Variants in CDKN1C observed in about 807,000 individuals in gnomAD.
CDKN1C encodes cyclin-dependent kinase inhibitor 1C.
In CDKN1C, 7 loss-of-function variants were observed where a neutral mutation model predicts 16.5. That is an observed-to-expected ratio of 0.42 (90% CI 0.24 to 0.80). The LOEUF is 0.80. Ranked by LOEUF, CDKN1C falls within the 30% of genes least tolerant of loss-of-function variation. The pLI, the probability that CDKN1C is intolerant of heterozygous loss-of-function variation, is 0.26. For missense variants in CDKN1C, 429 were observed against 437.3 expected, an observed-to-expected ratio of 0.98 and a Z score of 0.17; for synonymous variants, 288 against 214.4, an observed-to-expected ratio of 1.34 and a Z score of -3.00.
In CDKN1C at chr11:2,884,758, C is replaced by G. The variant is rs751650132; in HGVS notation, c.699G>C (p.Ser233=). The G allele has an allele frequency of 8.0e-5, 121 of 1,510,490 alleles. 1 individual carries two copies. Among genetic ancestry groups the G allele is most frequent in the Non-Finnish European group, 1.0e-4 (118 of 1,132,880 alleles). The allele number at this position is 1,510,490 out of a possible 1,614,324, so 93.6% of individuals were successfully genotyped here. The change falls in exon 2 of 4, where the codon TCG becomes TCC. Residue 233 remains serine (S), a synonymous_variant. Transcript: ENST00000440480. ...GQEPLADQLH[S]GISGRPAAGT... ...CGGCCGCGGGACGTCCCGAAATCCCCGAGTGCAGCTGGTCAGCGAGAGGCT... is the reference window on the plus strand; with the variant it reads ...CGGCCGCGGGACGTCCCGAAATCCCGGAGTGCAGCTGGTCAGCGAGAGGCT...
Position 2,883,814 on chromosome 11 carries a change from C to T in CDKN1C, c.*107G>A. The T allele has an allele frequency of 2.0e-6, 3 of 1,522,504 alleles. No homozygotes were observed. The highest frequency in any genetic ancestry group is 2.5e-5 in the East Asian group (1 of 40,422). 94.3% of individuals were successfully genotyped at this position (1,522,504 alleles called of 1,614,324 possible). A position where few individuals can be genotyped will look rare whatever the true frequency, so the allele number is the denominator to read the frequency against. ...AAAACCGAACGCTGCTCTGCGGCAG[C>T]CGCCGCCGGTTGCTGCTACATGAAC... On this transcript the variant is annotated 3_prime_UTR_variant, in exon 4 of 4. Transcript: ENST00000440480.
In CDKN1C at chr11:2,885,385, C is replaced by T. The variant is rs2133786339; in HGVS notation, c.72G>A (p.Gly24=). 1 of 1,572,296 alleles carries T rather than the reference C, an allele frequency of 6.4e-7. No homozygotes were observed. The highest frequency in any genetic ancestry group is 8.6e-7 in the Non-Finnish European group (1 of 1,161,844). Residue 24 remains glycine, a synonymous_variant, in exon 2 of 4, where the codon GGG becomes GGA. Coordinates refer to ENST00000440480, the MANE Select transcript of CDKN1C (RefSeq NM_001122630.2). The part of the protein sequence containing the change: ...VRTSACRSLF[G]PVDHEELSRE... ...GGCTCAGCTCCTCGTGGTCCACCGG[C>T]CCGAAGAGGCTGCGGCAGGCGCTGG...
chr11:2,884,989 AGCCGCG>A lies in CDKN1C; in HGVS notation c.462_467del (p.Ala155_Ala156del). On this transcript the variant is annotated inframe_deletion, in exon 2 of 4. Coordinates refer to ENST00000440480, the MANE Select transcript of CDKN1C (RefSeq NM_001122630.2). ...CGACCGCGACCGGAGCCGCGACCGG[AGCCGCG>A]ACCGGAGCCGGAGCCGGGGCCGGGG... 9.5e-7 allele frequency: 1 copy of A among 1,056,230 alleles called. No homozygotes were observed. The highest frequency in any genetic ancestry group is 1.2e-6 in the Non-Finnish European group (1 of 845,792). The allele number at this position is 1,056,230 out of a possible 1,614,324, so 65.4% of individuals were successfully genotyped here.
chr11:2,884,728 G>A lies in CDKN1C; in HGVS notation c.729C>T (p.Thr243=), dbSNP rs1198470133. 8 of 1,506,718 alleles carry A rather than the reference G, an allele frequency of 5.3e-6. No individual in the cohort carries two copies. Among genetic ancestry groups the A allele is most frequent in the Non-Finnish European group, 7.1e-6 (8 of 1,132,228 alleles). 93.3% of individuals were successfully genotyped at this position (1,506,718 alleles called of 1,614,324 possible). ...SGISGRPAAG[T]AAASANGAAI... Reference sequence around the variant, plus strand: ...CCGCGCCGTTGGCGCTGGCGGCCGCGGTGCCGGCCGCGGGACGTCCCGAAA... The same window carrying A: ...CCGCGCCGTTGGCGCTGGCGGCCGCAGTGCCGGCCGCGGGACGTCCCGAAA... Residue 243 remains threonine, a synonymous_variant, in exon 2 of 4, where the codon ACC becomes ACT. Transcript: ENST00000440480.
chr11:2,884,333 G>GCC (rs1156664659), intron 2 of CDKN1C, 199 bp from the exon 3 acceptor site: 2 of 232,224 alleles, frequency 8.6e-6, no homozygotes, highest in East Asian at 2.9e-4. Flanking sequence ...CCGCGGCCAA[G>GCC]CCCCCCGGGG....
Position 2,885,431 on chromosome 11 carries a change from G to A in CDKN1C, c.26C>T (p.Thr9Ile), listed in dbSNP as rs1848981377. MERLVARG[T>I]FPVLVRTSAC... ...GCTGGTGCGCACTAGTACTGGGAAG[G>A]TCCCACGGGCGACAAGACGCTCCAT... Residue 9 changes from threonine (T) to isoleucine (I), a missense_variant, in exon 2 of 4, where the codon ACC becomes ATC. By Grantham distance (89) the Thr-to-Ile change is moderately conservative (BLOSUM62 -1). Coordinates refer to ENST00000440480, the MANE Select transcript of CDKN1C (RefSeq NM_001122630.2). 2 of 1,549,304 alleles carry A rather than the reference G, an allele frequency of 1.3e-6. No homozygotes were observed. Among genetic ancestry groups the A allele is most frequent in the Non-Finnish European group, 1.7e-6 (2 of 1,149,368 alleles).
chr11:2,884,013 C>T lies in CDKN1C; in HGVS notation c.909G>A (p.Arg303=). 1 of 1,558,376 alleles carries T rather than the reference C, an allele frequency of 6.4e-7. No homozygotes were observed. The change falls in exon 3 of 4, where the codon AGG becomes AGA. Residue 303 remains arginine, a synonymous_variant. Coordinates refer to ENST00000440480, the MANE Select transcript of CDKN1C (RefSeq NM_001122630.2). ...VGSVEQTPRK[R]LR Reference sequence around the variant, plus strand: ...GCTGTACTCACTTGGCTCACCGCAGCCTCTTGCGCGGGGTCTGCTCCACCG... The same window carrying T: ...GCTGTACTCACTTGGCTCACCGCAGTCTCTTGCGCGGGGTCTGCTCCACCG...
Position 2,884,127 on chromosome 11 carries a change from G to A in CDKN1C, c.795C>T (p.Phe265=), listed in dbSNP as rs1258265872. Residue 265 remains phenylalanine (F), a synonymous_variant, in exon 3 of 4, where the codon TTC becomes TTT. Transcript: ENST00000440480. ...CAGGCGCTGATCTCTTGCGCTTGGC[G>A]AAGAAATCTGCGGGCGACAGCGCGC... The part of the protein sequence containing the change: ...KLSGPLISDF[F]AKRKRSAPEK... The A allele has an allele frequency of 2.7e-6, 4 of 1,490,244 alleles. No homozygotes were observed. The highest frequency in any genetic ancestry group is 1.8e-6 in the Non-Finnish European group (2 of 1,116,148). 92.3% of individuals were successfully genotyped at this position (1,490,244 alleles called of 1,614,324 possible). A position where few individuals can be genotyped will look rare whatever the true frequency, so the allele number is the denominator to read the frequency against.
Sources: gnomAD v4.1 joint callset for allele counts on GRCh38, gnomAD v4.1.1 for gene constraint, MANE v1.5 for transcripts, NCBI Gene and HGNC (gene_info 2026-07-23, HGNC 2026-07-21) for gene names.